ROBO2: variants seen among roughly 807,000 people sequenced by gnomAD.
The protein encoded by ROBO2 is roundabout guidance receptor 2.
In ROBO2, 53 loss-of-function variants were observed where a neutral mutation model predicts 160.8. That is an observed-to-expected ratio of 0.33 (90% CI 0.26 to 0.41). The LOEUF is 0.41. Ranked by LOEUF, ROBO2 falls within the 10% of genes least tolerant of loss-of-function variation. The pLI is 1.00. For missense variants in ROBO2, 1,577 were observed against 1,722.4 expected (o/e 0.92, Z 1.49); for synonymous variants, 664 against 611.7 (o/e 1.09, Z -1.26).
rs2095181654 is a variant in ROBO2 at position 77,632,398 on chromosome 3, C to A, written c.3761-2472C>A. The A allele has an allele frequency of 4.9e-6, 5 of 1,029,360 alleles. 1 individual carries two copies. Among genetic ancestry groups the A allele is most frequent in the Non-Finnish European group, 1.3e-6 (1 of 768,740 alleles). The allele number at this position is 1,029,360 out of a possible 1,614,324, so 63.8% of individuals were successfully genotyped here. On this transcript the variant is annotated intron_variant, in intron 23 of 25. Coordinates refer to ENST00000461745, the Ensembl canonical transcript of ROBO2. Reference sequence around the variant, plus strand: ...GGAAGAAGCATGGACAACTTACTTGCTCATTAGTATAGTGTGTACAAGCAG... The same window carrying A: ...GGAAGAAGCATGGACAACTTACTTGATCATTAGTATAGTGTGTACAAGCAG...
chr3:76,368,487 CTTAATGCCT>C (rs2075946235), intron 2 of ROBO2, among the ~76,000 whole-genome samples: 1 of 151,890 alleles, frequency 6.6e-6, no homozygotes, highest in South Asian at 2.1e-4. Flanking sequence ...TACTCACAAA[CTTAATGCCT>C]TGGCTGAGAT....
upstream of ROBO2, among the ~76,000 whole-genome samples, chr3:77,039,391 T>A (rs2063843935): frequency 6.6e-6 from 1 of 152,160 alleles, no homozygotes; most frequent in African/African-American, 2.4e-5. Context: ...CTGATCTTTT[T>A]CAAGAAAGCG....
At chr3:76,380,485 T>C (rs2076563812) in intron 2 of ROBO2, among the ~76,000 whole-genome samples, 1 of 152,122 alleles carries the variant, frequency 6.6e-6, no homozygotes, top group African/African-American at 2.4e-5. Flanking sequence ...TTCTTCAGTG[T>C]CTCCCAGCCC....
intron 2 of ROBO2, among the ~76,000 whole-genome samples, chr3:76,090,671 G>A (rs2069193815): frequency 6.6e-6 from 1 of 152,140 alleles, no homozygotes; most frequent in African/African-American, 2.4e-5. Context: ...TTGGAGAAGT[G>A]ATGCTATCAA....
intron 21 of ROBO2, among the ~76,000 whole-genome samples, chr3:77,614,764 AAC>A (rs1464909528): frequency 2.6e-5 from 4 of 152,080 alleles, no homozygotes; most frequent in Non-Finnish European, 4.4e-5. Flanking sequence ...CAAACAAACA[AAC>A]AAACAAAAAC....
At chr3:76,846,532 G>A (rs1216123613) in intron 2 of ROBO2, among the ~76,000 whole-genome samples, 1 of 152,034 alleles carries the variant, frequency 6.6e-6, no homozygotes, top group Non-Finnish European at 1.5e-5. Context: ...ACTATTTGAA[G>A]AATCAATACT....
chr3:77,244,315 G>A (rs2089437009), intron 2 of ROBO2, among the ~76,000 whole-genome samples: 1 of 152,186 alleles, frequency 6.6e-6, no homozygotes, highest in Non-Finnish European at 1.5e-5. Context: ...ATATCAGAAG[G>A]AGAAATGATA....
At chr3:77,150,335 A>G (rs2077450515) in intron 2 of ROBO2, among the ~76,000 whole-genome samples, 1 of 152,206 alleles carries the variant, frequency 6.6e-6, no homozygotes, top group Non-Finnish European at 1.5e-5. Flanking sequence ...GGTGAGAGAA[A>G]ATGAACCAAT....
chr3:77,202,439 A>G (rs762945338), intron 2 of ROBO2, among the ~76,000 whole-genome samples: 17 of 152,194 alleles, frequency 1.1e-4, no homozygotes, highest in Non-Finnish European at 2.2e-4. Context: ...AACAACTACT[A>G]GTGTTTTTAA....
chr3:77,205,104 C>T (rs901299164), intron 2 of ROBO2, among the ~76,000 whole-genome samples: 1 of 152,204 alleles, frequency 6.6e-6, no homozygotes, highest in Non-Finnish European at 1.5e-5. Flanking sequence ...CCTTTCTGTC[C>T]GCAGACAGCT....
chr3:77,252,831 A>AT (rs1553872375), intron 2 of ROBO2, among the ~76,000 whole-genome samples: 379 of 12,580 alleles, frequency 0.03, 12 homozygotes, highest in East Asian at 0.26. Flanking sequence ...AAAAAAAAAA[A>AT]ATATATATAT....
chr3:77,256,324 T>C (rs1211712401), intron 2 of ROBO2, among the ~76,000 whole-genome samples: 1 of 152,206 alleles, frequency 6.6e-6, no homozygotes, highest in East Asian at 1.9e-4. Context: ...TTTTTTATAG[T>C]GCTCAAAAAT....
intron 2 of ROBO2, among the ~76,000 whole-genome samples, chr3:77,379,371 T>C (rs901855857): frequency 1.3e-5 from 2 of 152,200 alleles, no homozygotes; most frequent in Non-Finnish European, 2.9e-5. Flanking sequence ...TGTTACATGC[T>C]ATCTGACTCC....
At chr3:75,984,560 A>C (rs559676526) in intron 2 of ROBO2, among the ~76,000 whole-genome samples, 1 of 151,680 alleles carries the variant, frequency 6.6e-6, no homozygotes, top group Non-Finnish European at 1.5e-5. Flanking sequence ...TTTTTATACT[A>C]TAGTCATTAA....
At chr3:76,402,639 G>A (rs1351059240) in intron 2 of ROBO2, among the ~76,000 whole-genome samples, 1 of 151,502 alleles carries the variant, frequency 6.6e-6, no homozygotes, top group Non-Finnish European at 1.5e-5. Context: ...GTTGCTTGAG[G>A]TTGTAAGACT....
At chr3:76,333,393 AAT>A (rs1249734631) in intron 2 of ROBO2, among the ~76,000 whole-genome samples, 3 of 152,202 alleles carry the variant, frequency 2.0e-5, no homozygotes, top group African/African-American at 4.8e-5. Context: ...TGAGCTGAGC[AAT>A]ATGTCTTGCA....
chr3:76,945,062 G>A (rs1481111244), intron 2 of ROBO2, among the ~76,000 whole-genome samples: 1 of 144,836 alleles, frequency 6.9e-6, no homozygotes, highest in Non-Finnish European at 1.5e-5. Context: ...CTAATTTTTT[G>A]TACTTTTAGT....
chr3:76,479,303 T>G (rs2079092300), intron 2 of ROBO2, among the ~76,000 whole-genome samples: 1 of 152,172 alleles, frequency 6.6e-6, no homozygotes, highest in Non-Finnish European at 1.5e-5. Context: ...ACAGTTCATT[T>G]TTACTAGTTT....
chr3:77,517,001 G>A (rs189627050), intron 5 of ROBO2, among the ~76,000 whole-genome samples: 178 of 151,558 alleles, frequency 1.2e-3, no homozygotes, highest in South Asian at 2.1e-3. Flanking sequence ...ACAGTTTAAA[G>A]CAAGAGAGAA....
Sources: allele counts gnomAD v4.1 joint callset (sites outside exome capture counted in the v4.1 genomes callset), GRCh38; gene constraint gnomAD v4.1.1; transcripts MANE v1.5; gene names NCBI Gene and HGNC (gene_info 2026-07-23, HGNC 2026-07-21).